Variants in GOLM1 observed in about 807,000 individuals in gnomAD.
The protein encoded by GOLM1 is golgi membrane protein 1, also known as epididymis luminal protein 46.
GOLM1 carries 31 observed loss-of-function variants against 50.5 expected under a neutral mutation model. The ratio of observed to expected loss-of-function variants is 0.61; its 90% CI spans 0.46 to 0.83. GOLM1 has a LOEUF of 0.83. GOLM1 is among the 40% of genes least tolerant of loss of function. The pLI is 0.00. For missense variants in GOLM1, 491 were observed against 501.3 expected, an observed-to-expected ratio of 0.98 and a Z score of 0.20; for synonymous variants, 178 against 192.8, an observed-to-expected ratio of 0.92 and a Z score of 0.64.
chr9:86,033,964 TC>T (rs1833059350), intron 8 of GOLM1, among the ~76,000 whole-genome samples: 1 of 150,120 alleles, frequency 6.7e-6, no homozygotes, highest in Non-Finnish European at 1.5e-5. Flanking sequence ...GTAAACAAAA[TC>T]TTTTTTTTTT....
chr9:86,059,956 T>C lies in GOLM1; in HGVS notation c.310-7365A>G, dbSNP rs545675643. On this transcript the variant is annotated intron_variant, in intron 3 of 9. Transcript: ENST00000388712. Reference sequence around the variant, plus strand: ...AATCAGTGGTTATAGTTGCATGGCATTGTGAACATACCCAAACCACTGAGA... The same window carrying C: ...AATCAGTGGTTATAGTTGCATGGCACTGTGAACATACCCAAACCACTGAGA... 1.7e-4 allele frequency among the ~76,000 whole-genome samples: 25 copies of C among 149,334 alleles called. No individual in the cohort carries two copies. In the South Asian group the frequency reaches 5.2e-3, roughly 31 times the overall value.
chr9:86,042,120 AAAAAC>A (rs1009102182), intron 5 of GOLM1, among the ~76,000 whole-genome samples: 7 of 152,350 alleles, frequency 4.6e-5, no homozygotes, highest in African/African-American at 1.7e-4. Context: ...CCGTCTCAAA[AAAAAC>A]AAAACAAAAC....
intron 1 of GOLM1, among the ~76,000 whole-genome samples, chr9:86,086,221 AATG>A (rs1834956172): frequency 6.6e-6 from 1 of 152,248 alleles, no homozygotes; most frequent in African/African-American, 2.4e-5. Context: ...TCTAATGACC[AATG>A]ATGATGATCT....
chr9:86,037,409 G>T (rs1833179790), intron 6 of GOLM1, among the ~76,000 whole-genome samples: 1 of 144,774 alleles, frequency 6.9e-6, no homozygotes, highest in African/African-American at 2.6e-5. Flanking sequence ...TTGCATTCCA[G>T]CCTGGGGCGA....
Position 86,027,286 on chromosome 9 carries a change from C to CA in GOLM1, c.*530dup, listed in dbSNP as rs568926905. On this transcript the variant is annotated 3_prime_UTR_variant, in exon 10 of 10. Transcript: ENST00000388712. ...ACTTTGCTAGTGACGTTTGTGTTAA[C>CA]AGTCAGTGCTCTAGGCCATTGATTG... is the stretch of plus-strand genomic sequence containing the variant. 3,566 of 984,538 alleles carry CA rather than the reference C, an allele frequency of 3.6e-3. 15 individuals are homozygous for CA. Among genetic ancestry groups the CA allele is most frequent in the Non-Finnish European group, 4.2e-3 (3,459 of 829,626 alleles). 61.0% of individuals were successfully genotyped at this position (984,538 alleles called of 1,614,324 possible). A position where few individuals can be genotyped will look rare whatever the true frequency, so the allele number is the denominator to read the frequency against.
At chr9:86,068,648 A>C (rs1470173221) in intron 3 of GOLM1, among the ~76,000 whole-genome samples, 1 of 152,256 alleles carries the variant, frequency 6.6e-6, no homozygotes, top group African/African-American at 2.4e-5. Flanking sequence ...GAGTAGAGAC[A>C]ACCCGTTCCC....
intron 1 of GOLM1, among the ~76,000 whole-genome samples, chr9:86,094,565 G>C (rs1456934041): frequency 2.0e-5 from 3 of 152,202 alleles, no homozygotes; most frequent in Non-Finnish European, 2.9e-5. Flanking sequence ...AGGTGGATGA[G>C]TGAAAATGAA....
At chr9:86,064,735 G>A (rs771355723) in intron 3 of GOLM1, among the ~76,000 whole-genome samples, 4 of 152,262 alleles carry the variant, frequency 2.6e-5, no homozygotes, top group Non-Finnish European at 5.9e-5. Context: ...CCAGCCACTC[G>A]CAGTTCCCTA....
At chr9:86,053,241 C>T (rs1233932270) in intron 3 of GOLM1, among the ~76,000 whole-genome samples, 2 of 132,322 alleles carry the variant, frequency 1.5e-5, no homozygotes, top group African/African-American at 2.8e-5. Context: ...ACACATACCA[C>T]GCCATATGAC....
chr9:86,071,790 A>C (rs547992461), intron 3 of GOLM1, among the ~76,000 whole-genome samples: 1 of 152,388 alleles, frequency 6.6e-6, no homozygotes, highest in Non-Finnish European at 1.5e-5. Flanking sequence ...ATTATTAAGC[A>C]TAGCTCACTA....
intron 9 of GOLM1, among the ~76,000 whole-genome samples, chr9:86,033,012 GA>G (rs952753104): frequency 2.0e-5 from 3 of 152,156 alleles, no homozygotes; most frequent in Non-Finnish European, 4.4e-5. Context: ...AAATGTCACT[GA>G]AAAATCATCC....
In GOLM1 at chr9:86,035,359, C is replaced by T. The variant is rs772938182; in HGVS notation, c.1015+9G>A. 8 of 1,612,124 alleles carry T rather than the reference C, an allele frequency of 5.0e-6. No individual in the cohort carries two copies. The East Asian group carries it at 1.6e-4, about 31-fold the overall frequency. On this transcript the variant is annotated intron_variant, in intron 8 of 9. Transcript: ENST00000388712. ...GAGTCCACAGCGGCCCCCGAAACTT[C>T]ACACCCACCTTCCCCGGCAGCTTCC...
intron 1 of GOLM1, 60 bp downstream of exon 1, chr9:86,099,351 G>C (rs796409171): frequency 2.6e-5 from 4 of 151,950 alleles, no homozygotes; most frequent in African/African-American, 9.6e-5. Context: ...CCTGGGCAAA[G>C]GAGGGAGGAA....
intron 5 of GOLM1, among the ~76,000 whole-genome samples, chr9:86,042,749 G>A (rs957284086): frequency 6.6e-6 from 1 of 152,170 alleles, no homozygotes; most frequent in Non-Finnish European, 1.5e-5. Flanking sequence ...GATTGCACCT[G>A]CTCCCAGCCC....
At chr9:86,034,214 C>T (rs938063824) in intron 8 of GOLM1, among the ~76,000 whole-genome samples, 11 of 152,168 alleles carry the variant, frequency 7.2e-5, no homozygotes, top group African/African-American at 2.4e-4. Flanking sequence ...CCGCCCACCT[C>T]GGCCTCTCAA....
chr9:86,033,110 C>T (rs1833033415), intron 9 of GOLM1, among the ~76,000 whole-genome samples, 172 bp downstream of exon 9: 3 of 152,170 alleles, frequency 2.0e-5, no homozygotes. Flanking sequence ...GCTTCTCAAC[C>T]CTCACTTCCC....
intron 3 of GOLM1, among the ~76,000 whole-genome samples, chr9:86,074,320 C>T (rs1234551781): frequency 2.0e-5 from 3 of 150,990 alleles, no homozygotes; most frequent in Non-Finnish European, 4.4e-5. Context: ...CAAAATAGAG[C>T]TAGTTAGAAC....
chr9:86,071,722 A>G (rs1237555759), intron 3 of GOLM1, among the ~76,000 whole-genome samples: 3 of 152,164 alleles, frequency 2.0e-5, no homozygotes, highest in Non-Finnish European at 2.9e-5. Context: ...AACAGTTAAC[A>G]TATACAATAA....
chr9:86,080,347 C>A (rs1011940089), intron 1 of GOLM1, among the ~76,000 whole-genome samples: 1 of 152,168 alleles, frequency 6.6e-6, no homozygotes, highest in African/African-American at 2.4e-5. Context: ...GTAGACTTTT[C>A]CAAATGGCTT....
Sources: gnomAD v4.1 joint callset for allele counts (sites outside exome capture counted in the v4.1 genomes callset) on GRCh38, gnomAD v4.1.1 for gene constraint, MANE v1.5 for transcripts, NCBI Gene and HGNC (gene_info 2026-07-23, HGNC 2026-07-21) for gene names.